The following WWC1 variants were observed in gnomAD, a reference collection of about 807,000 sequenced individuals.
WWC1 encodes the protein protein KIBRA.
In WWC1, 55 loss-of-function variants were observed where a neutral mutation model predicts 138.4. The ratio of observed to expected loss-of-function variants is 0.40; its 90% CI spans 0.32 to 0.50. The LOEUF (loss-of-function observed/expected upper bound fraction) is 0.50. Among genes scored for constraint, WWC1 ranks in the 20% least tolerant of loss-of-function variants. The pLI is 0.72. For missense variants in WWC1, 1,226 were observed against 1,420.4 expected, an observed-to-expected ratio of 0.86 and a Z score of 2.20; for synonymous variants, 524 against 564.9, an observed-to-expected ratio of 0.93 and a Z score of 1.03.
intron 16 of WWC1, among the ~76,000 whole-genome samples, chr5:168,444,273 TCATA>T (rs1314378496): frequency 3.9e-5 from 6 of 152,226 alleles, no homozygotes; most frequent in African/African-American, 1.4e-4. Context: ...CTGAGTAAGT[TCATA>T]CATACAGGAG....
chr5:168,356,995 G>C (rs1775475426), intron 1 of WWC1, among the ~76,000 whole-genome samples: 1 of 152,048 alleles, frequency 6.6e-6, no homozygotes, highest in Non-Finnish European at 1.5e-5. Context: ...TAATCATGAT[G>C]GTCATGATGC....
intron 1 of WWC1, among the ~76,000 whole-genome samples, chr5:168,345,428 CTCT>C (rs1169450762): frequency 6.6e-6 from 1 of 152,202 alleles, no homozygotes; most frequent in Non-Finnish European, 1.5e-5. Flanking sequence ...GGCCTGTTGT[CTCT>C]TCTTCTTTAT....
rs916936169 is a variant in WWC1 at position 168,402,217 on chromosome 5, G to A, written c.590+2650G>A. Reference sequence around the variant, plus strand: ...ATAAGACTCCATGGCAGCTCCAGCCGCCCACACTCCTTAGCCGGAAGCTGG... The same window carrying A: ...ATAAGACTCCATGGCAGCTCCAGCCACCCACACTCCTTAGCCGGAAGCTGG... On this transcript the variant is annotated intron_variant, in intron 5 of 22. Transcript: ENST00000265293. 3.3e-5 allele frequency among the ~76,000 whole-genome samples: 5 copies of A among 152,156 alleles called. No individual in the cohort carries two copies. In the South Asian group the frequency reaches 6.2e-4, roughly 19 times the overall value.
chr5:168,432,554 G>A (rs1384099690), intron 15 of WWC1, among the ~76,000 whole-genome samples: 3 of 152,348 alleles, frequency 2.0e-5, no homozygotes, highest in Admixed American at 6.5e-5. Context: ...ATGCCATTTA[G>A]TGTTAGAATA....
chr5:168,362,675 C>A (rs868052404), intron 1 of WWC1, among the ~76,000 whole-genome samples: 62 of 152,210 alleles, frequency 4.1e-4, no homozygotes, highest in African/African-American at 1.3e-3. Flanking sequence ...ACCCAACAGG[C>A]AGCACACAGA....
intron 1 of WWC1, among the ~76,000 whole-genome samples, chr5:168,308,820 A>C (rs1276082878): frequency 1.3e-5 from 2 of 152,120 alleles, no homozygotes; most frequent in African/African-American, 4.8e-5. Flanking sequence ...AACCTGGCCC[A>C]CTTCTTGGTC....
intron 15 of WWC1, among the ~76,000 whole-genome samples, chr5:168,432,872 C>G (rs1243542958): frequency 6.6e-6 from 1 of 152,224 alleles, no homozygotes; most frequent in African/African-American, 2.4e-5. Context: ...GCCTCCATTT[C>G]TGGAAGCTGG....
At position 168,447,127 on chromosome 5, in the gene WWC1, A is replaced by G. The variant is rs577093110; in HGVS notation, c.2525+2542A>G. Among the ~76,000 whole-genome samples the G allele has an allele frequency of 5.9e-5, 9 of 152,308 alleles. No individual in the cohort carries two copies. The East Asian group carries it at 1.7e-3, about 29-fold the overall frequency. On this transcript the variant is annotated intron_variant, in intron 17 of 22. Transcript: ENST00000265293. ...CCGTCTCCTCGTCTGTGAAATAGAG[A>G]TTTAGAAAACAGCCACTATGTCATG...
At chr5:168,453,005 G>A (rs1445076441) in intron 17 of WWC1, among the ~76,000 whole-genome samples, 5 of 152,200 alleles carry the variant, frequency 3.3e-5, no homozygotes, top group South Asian at 4.1e-4. Flanking sequence ...TGGGTGGATC[G>A]CTTGAGCCCA....
At chr5:168,457,506 C>T (rs567457238) in intron 19 of WWC1, among the ~76,000 whole-genome samples, 9 of 152,260 alleles carry the variant, frequency 5.9e-5, no homozygotes, top group Admixed American at 2.0e-4. Flanking sequence ...CCTGCCTGTA[C>T]CGGTCAGGGT....
At position 168,431,347 on chromosome 5, in the gene WWC1, A is replaced by T. The variant is rs1781920220; in HGVS notation, c.2183A>T (p.Glu728Val). ...LDASDTLVFNEVFWVSMSYPA... is the reference protein window; with the variant it reads ...LDASDTLVFNVVFWVSMSYPA... ...GCCTCAGACACTCTAGTGTTCAATG[A>T]GGTGTTCTGGGTATCCATGTCCTAT... Residue 728 changes from glutamate (E) to valine (V), a missense_variant, in exon 15 of 23, where the codon GAG becomes GTG. Physicochemically the swap from Glu to Val is moderately radical, Grantham distance 121. Around this residue, in one of 3 missense-constraint regions of WWC1, gnomAD observed 1,016 missense variants for 1,153.9 expected, o/e 0.88. Transcript: ENST00000265293. 6.2e-7 allele frequency: 1 copy of T among 1,614,028 alleles called. No individual in the cohort carries two copies. The highest frequency in any genetic ancestry group is 8.5e-7 in the Non-Finnish European group (1 of 1,180,000).
intron 4 of WWC1, 42 bp from the exon 5 acceptor site, chr5:168,399,446 C>T: frequency 6.2e-7 from 1 of 1,609,780 alleles, no homozygotes; most frequent in East Asian, 2.2e-5. Context: ...ACCTTGGTGT[C>T]AGCCTCTGAC....
intron 1 of WWC1, among the ~76,000 whole-genome samples, chr5:168,293,448 G>T (rs575354428): frequency 1.3e-5 from 2 of 152,082 alleles, no homozygotes; most frequent in African/African-American, 4.8e-5. Flanking sequence ...GAATATAAGC[G>T]GAAAGAAAAT....
At chr5:168,431,146 C>T (rs1237618973) in intron 14 of WWC1, 106 bp from the exon 15 acceptor site, 2 of 1,007,550 alleles carry the variant, frequency 2.0e-6, no homozygotes, top group South Asian at 1.6e-5. Flanking sequence ...TCTACAAACT[C>T]TCATCCACTG....
chr5:168,358,600 C>A (rs1775634191), intron 1 of WWC1, among the ~76,000 whole-genome samples: 1 of 152,192 alleles, frequency 6.6e-6, no homozygotes, highest in African/African-American at 2.4e-5. Context: ...ACCAGTTAAC[C>A]TCTCTGTGCC....
intron 1 of WWC1, among the ~76,000 whole-genome samples, chr5:168,298,091 T>G (rs1349240726): frequency 6.6e-6 from 1 of 152,126 alleles, no homozygotes; most frequent in Non-Finnish European, 1.5e-5. Flanking sequence ...CAGGTTGGAG[T>G]GCGGTGGTGC....
At chr5:168,368,112 C>T (rs1199777028) in intron 1 of WWC1, among the ~76,000 whole-genome samples, 3 of 102,206 alleles carry the variant, frequency 2.9e-5, no homozygotes, top group African/African-American at 1.1e-4. Context: ...TTTTTTGAGA[C>T]GGAGTTTTGT....
Position 168,453,982 on chromosome 5 carries a change from C to G in WWC1, c.2540C>G (p.Thr847Ser). ...TLEDSWRYEE[T>S]SENEAVAEEE... ...TGTCATCACAGGAGGTATGAGGAGA[C>G]CAGTGAGAATGAGGCAGTAGCCGAG... Residue 847 changes from threonine (T) to serine (S), a missense_variant, in exon 18 of 23, where the codon ACC (threonine) becomes AGC (serine). Thr to Ser is a moderately conservative substitution (Grantham distance 58). Coordinates refer to ENST00000265293, the MANE Select transcript of WWC1 (RefSeq NM_015238.3). 6.2e-7 allele frequency: 1 copy of G among 1,611,628 alleles called. No individual in the cohort carries two copies. Among genetic ancestry groups the G allele is most frequent in the Non-Finnish European group, 8.5e-7 (1 of 1,179,692 alleles).
At chr5:168,364,449 G>A (rs537523615) in intron 1 of WWC1, among the ~76,000 whole-genome samples, 17 of 152,270 alleles carry the variant, frequency 1.1e-4, no homozygotes, top group African/African-American at 4.1e-4. Flanking sequence ...GGCTCAGGCC[G>A]CGGGTAGCGT....
Sources: gnomAD v4.1 joint callset for allele counts (sites outside exome capture counted in the v4.1 genomes callset) on GRCh38, gnomAD v4.1.1 for gene constraint, gnomAD v4.1.1 regional missense constraint, MANE v1.5 for transcripts, NCBI Gene and HGNC (gene_info 2026-07-23, HGNC 2026-07-21) for gene names.